GRM7: variants seen among roughly 807,000 people sequenced by gnomAD.
The protein encoded by GRM7 is glutamate metabotropic receptor 7.
GRM7 carries 35 observed loss-of-function variants against 84.5 expected under a neutral mutation model. The observed-to-expected ratio is 0.41, with a 90% CI of 0.32 to 0.55. GRM7 has a LOEUF of 0.55. GRM7 is among the 20% of genes least tolerant of loss of function. GRM7 has a pLI of 0.19. For synonymous variants in GRM7, 487 were observed against 455.1 expected, an observed-to-expected ratio of 1.07 and a Z score of -0.89; for missense variants, 1,003 against 1,194.6, an observed-to-expected ratio of 0.84 and a Z score of 2.36.
intron 9 of GRM7, among the ~76,000 whole-genome samples, chr3:7,688,574 T>C (rs933607552): frequency 4.6e-5 from 7 of 152,152 alleles, no homozygotes; most frequent in African/African-American, 1.7e-4. Context: ...TTACATTAAC[T>C]CAAGGAACAC....
intron 9 of GRM7, among the ~76,000 whole-genome samples, chr3:7,735,588 T>C (rs1316903224): frequency 1.3e-5 from 2 of 152,206 alleles, no homozygotes; most frequent in Non-Finnish European, 2.9e-5. Flanking sequence ...ATTTGTTAGA[T>C]GGCTGAGTGA....
chr3:7,177,810 T>C lies in GRM7; in HGVS notation c.736+31142T>C, dbSNP rs112219446. Among the ~76,000 whole-genome samples the C allele has an allele frequency of 4.7e-3, 715 of 152,346 alleles. 4 individuals carry two copies. The highest frequency in any genetic ancestry group is 0.016 in the African/African-American group (669 of 41,590). ...AGCAACACTTTCTTATCATTACCTA[T>C]AACTTACTATTACTTAATTAAGACC... On this transcript the variant is annotated intron_variant, in intron 2 of 9. Transcript: ENST00000357716.
At chr3:6,886,854 T>C (rs1307050687) in intron 1 of GRM7, among the ~76,000 whole-genome samples, 1 of 151,930 alleles carries the variant, frequency 6.6e-6, no homozygotes, top group African/African-American at 2.4e-5. Context: ...TATAATTCAT[T>C]TAATCTATAC....
intron 1 of GRM7, among the ~76,000 whole-genome samples, chr3:7,063,203 A>G (rs1054270495): frequency 6.6e-6 from 1 of 151,812 alleles, no homozygotes. Context: ...CAAACTAATC[A>G]GCCTAGAGGA....
chr3:6,999,034 A>C lies in GRM7; in HGVS notation c.519+137127A>C, dbSNP rs1306636140. ...GCAGGCTTGAAATTCTCCCCAGAAA[A>C]TGGGTTTTCTTTTCTATTGCATTGT... On this transcript the variant is annotated intron_variant, in intron 1 of 9. Coordinates refer to ENST00000357716, the MANE Select transcript of GRM7 (RefSeq NM_000844.4). 4.6e-5 allele frequency among the ~76,000 whole-genome samples: 7 copies of C among 152,154 alleles called. No individual in the cohort carries two copies. The South Asian group carries it at 1.2e-3, about 27-fold the overall frequency.
intron 4 of GRM7, among the ~76,000 whole-genome samples, chr3:7,326,192 A>G (rs919310676): frequency 6.6e-6 from 1 of 151,822 alleles, no homozygotes; most frequent in African/African-American, 2.4e-5. Flanking sequence ...AAAAAAAAAC[A>G]CATTATTTTG....
chr3:7,443,424 ATTTT>A (rs909513966), intron 5 of GRM7, among the ~76,000 whole-genome samples: 1 of 150,768 alleles, frequency 6.6e-6, no homozygotes, highest in Non-Finnish European at 1.5e-5. Flanking sequence ...TCTTTATAAA[ATTTT>A]TTTTTTCACA....
At chr3:7,475,250 A>G (rs560195738) in intron 7 of GRM7, among the ~76,000 whole-genome samples, 84 of 152,292 alleles carry the variant, frequency 5.5e-4, no homozygotes, top group African/African-American at 1.9e-3. Context: ...CAATGACTGA[A>G]TAGGAAACCA....
At chr3:6,970,959 G>A (rs1351972900) in intron 1 of GRM7, among the ~76,000 whole-genome samples, 3 of 150,506 alleles carry the variant, frequency 2.0e-5, no homozygotes, top group South Asian at 4.3e-4. Context: ...TCCAGCCTGG[G>A]CCACAGAGCG....
chr3:7,457,912 G>A (rs974643604), intron 6 of GRM7, among the ~76,000 whole-genome samples: 1 of 152,124 alleles, frequency 6.6e-6, no homozygotes, highest in Non-Finnish European at 1.5e-5. Flanking sequence ...GTGGACCAGA[G>A]AGCTGCTGTC....
At chr3:7,030,402 T>C (rs1696147230) in intron 1 of GRM7, among the ~76,000 whole-genome samples, 1 of 152,154 alleles carries the variant, frequency 6.6e-6, no homozygotes, top group Non-Finnish European at 1.5e-5. Flanking sequence ...ATTATCTTGA[T>C]TTTGGTGATT....
chr3:7,025,419 G>A (rs1695946495), intron 1 of GRM7, among the ~76,000 whole-genome samples: 1 of 152,184 alleles, frequency 6.6e-6, no homozygotes, highest in African/African-American at 2.4e-5. Context: ...TTAAGGGGTA[G>A]TTTGTTTTAG....
chr3:7,042,557 T>C (rs931390291), intron 1 of GRM7, among the ~76,000 whole-genome samples: 5 of 152,190 alleles, frequency 3.3e-5, no homozygotes, highest in Non-Finnish European at 7.3e-5. Flanking sequence ...GGGTCATTTC[T>C]ATAGTTATAT....
chr3:7,298,740 A>G lies in GRM7; in HGVS notation c.793A>G (p.Ile265Val). The G allele has an allele frequency of 6.2e-7, 1 of 1,613,110 alleles. No homozygotes were observed. The change falls in exon 3 of 10, where the codon ATT becomes GTT. Residue 265 changes from isoleucine to valine, a missense_variant. By Grantham distance (29) the Ile-to-Val change is conservative. Transcript: ENST00000357716. ...CCCCCAGGAACGCAAAGACAGGACC[A>G]TTGACTTTGATAGAATTATCAAACA... ...RIPQERKDRT[I>V]DFDRIIKQLL...
chr3:6,974,858 CT>C (rs1489846603), intron 1 of GRM7, among the ~76,000 whole-genome samples: 2 of 151,986 alleles, frequency 1.3e-5, no homozygotes, highest in African/African-American at 4.8e-5. Context: ...CAGAGTTTTT[CT>C]GGAAAGAGGC....
intron 7 of GRM7, among the ~76,000 whole-genome samples, chr3:7,466,438 G>A (rs899576222): frequency 3.3e-5 from 5 of 152,104 alleles, no homozygotes; most frequent in African/African-American, 1.2e-4. Context: ...TAAAAATTAG[G>A]GTAGGAGTAT....
intron 1 of GRM7, among the ~76,000 whole-genome samples, chr3:7,108,919 T>G (rs912160736): frequency 5.3e-5 from 8 of 152,094 alleles, no homozygotes; most frequent in Non-Finnish European, 8.8e-5. Flanking sequence ...TAAGCAGATA[T>G]GTCTCAGAGT....
chr3:7,465,282 C>G (rs1399977840), intron 7 of GRM7, among the ~76,000 whole-genome samples: 6 of 152,044 alleles, frequency 3.9e-5, no homozygotes, highest in Admixed American at 2.0e-4. Flanking sequence ...GAATGACAAC[C>G]ATGAAGGGAG....
At chr3:7,219,194 G>A (rs1431229204) in intron 2 of GRM7, among the ~76,000 whole-genome samples, 9 of 151,988 alleles carry the variant, frequency 5.9e-5, no homozygotes, top group Non-Finnish European at 1.0e-4. Context: ...TAGTTAAAAG[G>A]TCTTTCTAAA....
Sources: allele counts gnomAD v4.1 joint callset (sites outside exome capture counted in the v4.1 genomes callset), GRCh38; gene constraint gnomAD v4.1.1; transcripts MANE v1.5; gene names NCBI Gene and HGNC (gene_info 2026-07-23, HGNC 2026-07-21).